Variants in GTF2IRD1 observed in about 807,000 individuals in gnomAD.
GTF2IRD1 encodes general transcription factor II-I repeat domain-containing protein 1.
GTF2IRD1 carries 26 observed loss-of-function variants against 113.2 expected under a neutral mutation model. The ratio of observed to expected loss-of-function variants is 0.23; its 90% CI spans 0.17 to 0.32. The LOEUF is 0.32. Ranked by LOEUF, GTF2IRD1 falls within the 10% of genes least tolerant of loss-of-function variation. GTF2IRD1 has a pLI of 1.00. For synonymous variants in GTF2IRD1, 484 were observed against 529.1 expected (o/e 0.91, Z 1.17); for missense variants, 864 against 1,280.8 (o/e 0.67, Z 4.97).
chr7:74,454,770 T>A (rs979160220), intron 1 of GTF2IRD1, among the ~76,000 whole-genome samples: 2 of 151,954 alleles, frequency 1.3e-5, no homozygotes, highest in Non-Finnish European at 2.9e-5. Context: ...TGGAGGGGAC[T>A]CAGAAGGTGG....
At chr7:74,598,637 T>C (rs587680619) in intron 25 of GTF2IRD1, among the ~76,000 whole-genome samples, 1 of 151,474 alleles carries the variant, frequency 6.6e-6, no homozygotes, top group South Asian at 2.1e-4. Context: ...AAACAAAACA[T>C]GGCAGAGACA....
Position 74,512,397 on chromosome 7 carries a change from G to A in GTF2IRD1, c.124-433G>A, listed in dbSNP as rs576633438. Among the ~76,000 whole-genome samples, 4 of 152,258 alleles carry A rather than the reference G, an allele frequency of 2.6e-5. No individual in the cohort carries two copies. The East Asian group carries it at 7.7e-4, about 29-fold the overall frequency. Reference sequence around the variant, plus strand: ...TGTGGAAACTGGAGCCCAGAGGAGGGACGTGACTTGCTCAAGTCCCACAGC... The same window carrying A: ...TGTGGAAACTGGAGCCCAGAGGAGGAACGTGACTTGCTCAAGTCCCACAGC... On this transcript the variant is annotated intron_variant, in intron 2 of 26. Transcript: ENST00000424337. This position sits in a 1 kb window ranked among gnomAD's most constrained non-coding sequence, Gnocchi z 4.4.
intron 8 of GTF2IRD1, among the ~76,000 whole-genome samples, chr7:74,529,526 A>G (rs587685836): frequency 6.6e-6 from 1 of 152,044 alleles, no homozygotes; most frequent in Non-Finnish European, 1.5e-5. Flanking sequence ...GGAGTGCTGG[A>G]ATTACAGGCA....
intron 1 of GTF2IRD1, among the ~76,000 whole-genome samples, chr7:74,495,436 C>T (rs928997541): frequency 3.3e-5 from 5 of 152,222 alleles, no homozygotes; most frequent in African/African-American, 1.2e-4. Flanking sequence ...TGAGCTGTCC[C>T]CTCTGTCTGG....
At chr7:74,487,480 C>A (rs1171385949) in intron 1 of GTF2IRD1, 1 of 152,210 alleles carries the variant, frequency 6.6e-6, no homozygotes, top group African/African-American at 2.4e-5. Flanking sequence ...CCAGACCCGA[C>A]TCTGCTTAGC....
intron 14 of GTF2IRD1, among the ~76,000 whole-genome samples, chr7:74,540,693 A>G (rs1554351490): frequency 6.6e-6 from 1 of 151,510 alleles, no homozygotes; most frequent in East Asian, 2.0e-4. Context: ...TCGTGCCTGT[A>G]ATCCCAGCAC....
At chr7:74,459,561 G>C (rs1584440425) in intron 1 of GTF2IRD1, among the ~76,000 whole-genome samples, 1 of 152,148 alleles carries the variant, frequency 6.6e-6, no homozygotes, top group Admixed American at 6.6e-5. Flanking sequence ...GCGGTGAACA[G>C]AACTCTCTCG....
chr7:74,571,157 A>G, intron 22 of GTF2IRD1: 2 of 978,878 alleles, frequency 2.0e-6, no homozygotes, highest in Non-Finnish European at 1.2e-6. Context: ...AGAGCTGCCA[A>G]CTTCCTGTGT....
intron 8 of GTF2IRD1, among the ~76,000 whole-genome samples, chr7:74,525,459 G>C (rs587685425): frequency 6.6e-6 from 1 of 152,238 alleles, no homozygotes; most frequent in Non-Finnish European, 1.5e-5. Flanking sequence ...ACTCTGGAAA[G>C]AAAACACAAG....
chr7:74,580,792 G>T (rs1801370494), intron 22 of GTF2IRD1, among the ~76,000 whole-genome samples: 1 of 152,160 alleles, frequency 6.6e-6, no homozygotes, highest in African/African-American at 2.4e-5. Flanking sequence ...CTGCGGGGAT[G>T]GGTTCTTTCA....
At chr7:74,580,284 A>C (rs587661511) in intron 22 of GTF2IRD1, among the ~76,000 whole-genome samples, 1 of 152,024 alleles carries the variant, frequency 6.6e-6, no homozygotes, top group African/African-American at 2.4e-5. Context: ...TCAGGAGGGG[A>C]GAGAAGGACC....
chr7:74,458,162 C>T (rs114286109), intron 1 of GTF2IRD1, among the ~76,000 whole-genome samples: 3,232 of 152,052 alleles, frequency 0.021, 132 homozygotes, highest in African/African-American at 0.073. Context: ...TGAGACACTG[C>T]GCCCGGTCCT....
intron 1 of GTF2IRD1, among the ~76,000 whole-genome samples, chr7:74,493,090 C>T (rs1257354700): frequency 1.3e-5 from 2 of 151,162 alleles, no homozygotes; most frequent in Admixed American, 1.3e-4. Flanking sequence ...CTGTGCCTGG[C>T]ATGACCTCTT....
Position 74,518,313 on chromosome 7 carries a change from A to C in GTF2IRD1, c.596A>C (p.Lys199Thr), listed in dbSNP as rs782309966. The stretch of plus-strand genomic sequence containing the variant: ...GAACACAGCCACCGCATCCGCTTCA[A>C]GCTCAAGAGGTGAGTGAGGTAGCCG... ...ILEHSHRIRF[K>T]LKRPLEDGGR... The change falls in exon 5 of 27, where the codon AAG (lysine) becomes ACG (threonine). Residue 199 changes from lysine to threonine, a missense_variant. Physicochemically the swap from Lys to Thr is moderately conservative, Grantham distance 78. This residue lies in a region of GTF2IRD1 where 195 missense variants were observed against 196.6 expected (regional missense o/e 0.99). Coordinates refer to ENST00000424337, the MANE Select transcript of GTF2IRD1 (RefSeq NM_005685.4). 5 of 1,595,690 alleles carry C rather than the reference A, an allele frequency of 3.1e-6. No individual in the cohort carries two copies. The African/African-American group carries it at 6.7e-5, about 21-fold the overall frequency.
At chr7:74,485,755 C>G (rs1341581927) in intron 1 of GTF2IRD1, among the ~76,000 whole-genome samples, 1 of 151,942 alleles carries the variant, frequency 6.6e-6, no homozygotes, top group African/African-American at 2.4e-5. Context: ...GACTCTGTCT[C>G]TACTAAAAAT....
At position 74,509,128 on chromosome 7, in the gene GTF2IRD1, G is replaced by A. The variant is rs570782452; in HGVS notation, c.123+925G>A. ...TCCCAGCACTTTTAGGGGCCGAGGC[G>A]GGTGGATCATTTGGGGTCAGGAGTT... On this transcript the variant is annotated intron_variant, in intron 2 of 26. Transcript: ENST00000424337. Among the ~76,000 whole-genome samples, 30 of 152,156 alleles carry A rather than the reference G, an allele frequency of 2.0e-4. 1 individual carries two copies. In the South Asian group the frequency reaches 2.9e-3, roughly 15 times the overall value.
rs374283661 is a variant in GTF2IRD1 at position 74,521,269 on chromosome 7, T to C, written c.978T>C (p.Ile326=). The C allele has an allele frequency of 1.1e-5, 17 of 1,611,274 alleles. No individual in the cohort carries two copies. The East Asian group carries it at 1.3e-4, about 13-fold the overall frequency. Reference sequence around the variant, plus strand: ...AGAACGTCCATGCCTCCAAGCGCATTCTCTTCTCCATCGTCCATGACAAGT... The same window carrying C: ...AGAACGTCCATGCCTCCAAGCGCATCCTCTTCTCCATCGTCCATGACAAGT... The part of the protein sequence containing the change: ...LIQNVHASKR[I]LFSIVHDKSE... The change falls in exon 7 of 27, where the codon ATT becomes ATC. Residue 326 remains isoleucine (I), a synonymous_variant. Coordinates refer to ENST00000424337, the MANE Select transcript of GTF2IRD1 (RefSeq NM_005685.4).
rs1215713508 is a variant in GTF2IRD1, at chr7:74,515,383, G to A, written c.266-58G>A. The A allele has an allele frequency of 7.1e-6, 11 of 1,547,114 alleles. No homozygotes were observed. The highest frequency in any genetic ancestry group is 1.7e-4 in the Middle Eastern group (1 of 6,006). On this transcript the variant is annotated intron_variant, in intron 3 of 26. Transcript: ENST00000424337. ...GCACAGGGCAGCGACATCCCAGCTCGAAGGCCGGGTGGTGAGACGGGTGCT... is the reference window on the plus strand; with the variant it reads ...GCACAGGGCAGCGACATCCCAGCTCAAAGGCCGGGTGGTGAGACGGGTGCT...
rs139722275 is a variant in GTF2IRD1 at position 74,520,334 on chromosome 7, G to C, written c.916+615G>C. ...GACAAAAGGAACAACTGCAGGTGAG[G>C]AGCACCTGGATTCATATCCTGGCTC... On this transcript the variant is annotated intron_variant, in intron 6 of 26. Transcript: ENST00000424337. Among the ~76,000 whole-genome samples, 985 of 152,028 alleles carry C rather than the reference G, an allele frequency of 6.5e-3. 44 individuals carry two copies. Among genetic ancestry groups the C allele is most frequent in the Admixed American group, 0.057 (864 of 15,240 alleles).
Sources: gnomAD v4.1 joint callset for allele counts (sites outside exome capture counted in the v4.1 genomes callset) on GRCh38, gnomAD v4.1.1 for gene constraint, gnomAD v4.1.1 regional missense constraint, Gnocchi (gnomAD v3.1) non-coding constraint, MANE v1.5 for transcripts, NCBI Gene and HGNC (gene_info 2026-07-23, HGNC 2026-07-21) for gene names.